The following ALPL variants were observed in gnomAD, a reference collection of about 807,000 sequenced individuals.
The protein encoded by ALPL is alkaline phosphatase, tissue-nonspecific isozyme.
ALPL carries 42 observed loss-of-function variants against 51.3 expected under a neutral mutation model. The ratio of observed to expected loss-of-function variants is 0.82; its 90% CI spans 0.64 to 1.06. ALPL has a LOEUF of 1.06. Ranked by LOEUF, ALPL falls within the 50% of genes least tolerant of loss-of-function variation. The probability of loss-of-function intolerance (pLI) is 0.00; values close to 1 mark genes in which losing one functional copy is unlikely to be tolerated. For synonymous variants in ALPL, 279 were observed against 296.4 expected (o/e 0.94, Z 0.60); for missense variants, 589 against 709.4 (o/e 0.83, Z 1.93).
intron 4 of ALPL, 45 bp from the exon 5 acceptor site, chr1:21,563,065 G>C: frequency 6.2e-7 from 1 of 1,611,070 alleles, no homozygotes; most frequent in Non-Finnish European, 8.5e-7. Context: ...GGTGCCACTG[G>C]GGCGAAGGCC....
chr1:21,575,872 T>C lies in ALPL; in HGVS notation c.1137T>C (p.His379=), dbSNP rs1002385454. 2 of 1,614,214 alleles carry C rather than the reference T, an allele frequency of 1.2e-6. No individual in the cohort carries two copies. Among genetic ancestry groups the C allele is most frequent in the Non-Finnish European group, 8.5e-7 (1 of 1,180,044 alleles). The stretch of plus-strand genomic sequence containing the variant: ...CTCTGACCGTGGTCACTGCGGACCA[T>C]TCCCACGTCTTCACATTTGGTGGAT... ...EDTLTVVTAD[H]SHVFTFGGYT... is the part of the protein sequence containing the mutation. Residue 379 remains histidine (H), a synonymous_variant, in exon 10 of 12, where the codon CAT becomes CAC. Coordinates refer to ENST00000374840, the MANE Select transcript of ALPL (RefSeq NM_000478.6).
At chr1:21,553,027 T>G (rs1394069651) in intron 1 of ALPL, among the ~76,000 whole-genome samples, 1 of 151,800 alleles carries the variant, frequency 6.6e-6, no homozygotes, top group Non-Finnish European at 1.5e-5. Context: ...AACATTCTTA[T>G]GCCATTAATA....
At chr1:21,573,310 G>A (rs1356841372) in intron 8 of ALPL, among the ~76,000 whole-genome samples, 1 of 151,950 alleles carries the variant, frequency 6.6e-6, no homozygotes, top group Non-Finnish European at 1.5e-5. Context: ...GGTGATGCAT[G>A]TCTGTAATCC....
intron 1 of ALPL, among the ~76,000 whole-genome samples, chr1:21,536,127 A>AC (rs1240431015): frequency 6.6e-6 from 1 of 152,244 alleles, no homozygotes; most frequent in African/African-American, 2.4e-5. Context: ...TCAATGGACA[A>AC]CAACCTGTCA....
At chr1:21,550,208 C>G (rs1400457523) in intron 1 of ALPL, among the ~76,000 whole-genome samples, 1 of 152,128 alleles carries the variant, frequency 6.6e-6, no homozygotes, top group East Asian at 1.9e-4. Flanking sequence ...TAAATCTATC[C>G]ATGTGTCAAA....
chr1:21,547,593 C>A (rs775979601), intron 1 of ALPL, among the ~76,000 whole-genome samples: 1 of 152,230 alleles, frequency 6.6e-6, no homozygotes, highest in South Asian at 2.1e-4. Flanking sequence ...CGTTCAGCTT[C>A]CATTTGTTCT....
chr1:21,520,212 C>T (rs1465180494), intron 1 of ALPL, among the ~76,000 whole-genome samples: 2 of 152,152 alleles, frequency 1.3e-5, no homozygotes, highest in African/African-American at 4.8e-5. Flanking sequence ...GCGGCCTTGA[C>T]TTCCTGGGCT....
At chr1:21,522,963 A>T (rs1026327831) in intron 1 of ALPL, among the ~76,000 whole-genome samples, 4 of 152,126 alleles carry the variant, frequency 2.6e-5, no homozygotes, top group Admixed American at 2.6e-4. Flanking sequence ...CATTGTCCCC[A>T]CTCACGGATG....
intron 1 of ALPL, among the ~76,000 whole-genome samples, chr1:21,511,023 G>T (rs1643676294): frequency 6.6e-6 from 1 of 152,180 alleles, no homozygotes; most frequent in African/African-American, 2.4e-5. Flanking sequence ...CGGGACTATT[G>T]TGAGGAATAA....
intron 1 of ALPL, among the ~76,000 whole-genome samples, chr1:21,523,074 T>A (rs1375545041): frequency 1.3e-5 from 2 of 151,944 alleles, no homozygotes; most frequent in African/African-American, 4.8e-5. Context: ...TCACCTGAGG[T>A]CAGGAGTTTG....
At chr1:21,522,355 T>G (rs1643892097) in intron 1 of ALPL, among the ~76,000 whole-genome samples, 1 of 152,186 alleles carries the variant, frequency 6.6e-6, no homozygotes, top group Non-Finnish European at 1.5e-5. Context: ...ATTACAGGCG[T>G]GAGCCACTGC....
intron 1 of ALPL, among the ~76,000 whole-genome samples, chr1:21,529,592 C>T (rs929436176): frequency 3.3e-5 from 5 of 152,186 alleles, no homozygotes; most frequent in African/African-American, 4.8e-5. Flanking sequence ...TCTCCTCCAT[C>T]GTTCAGCAGC....
Position 21,564,227 on chromosome 1 carries a change from G to C in ALPL, c.648+11G>C. The C allele has an allele frequency of 6.2e-7, 1 of 1,612,898 alleles. No homozygotes were observed. The highest frequency in any genetic ancestry group is 8.5e-7 in the Non-Finnish European group (1 of 1,179,816). On this transcript the variant is annotated intron_variant, in intron 6 of 11. Transcript: ENST00000374840. The surrounding 1 kb of genome is among the most constrained non-coding windows in gnomAD (Gnocchi z 5.8). ...ATCAGGGACATTGACGTGAGTGCTC[G>C]GGGGCAGCCGGGCAGGGACGGGGTG...
At chr1:21,545,099 C>T (rs1031811931) in intron 1 of ALPL, among the ~76,000 whole-genome samples, 25 of 152,028 alleles carry the variant, frequency 1.6e-4, no homozygotes, top group Non-Finnish European at 3.2e-4. Context: ...TGGTCAATGT[C>T]TCAAAATTTA....
intron 1 of ALPL, among the ~76,000 whole-genome samples, chr1:21,515,839 TTTTG>T (rs919184277): frequency 1.7e-4 from 25 of 149,006 alleles, no homozygotes; most frequent in African/African-American, 4.7e-4. Flanking sequence ...CTTGTTGTTT[TTTTG>T]TTTGTTTGTC....
rs553602694 is a variant in ALPL, at chr1:21,557,318, G to A, written c.61+3176G>A. On this transcript the variant is annotated intron_variant, in intron 2 of 11. Coordinates refer to ENST00000374840, the MANE Select transcript of ALPL (RefSeq NM_000478.6). Reference sequence around the variant, plus strand: ...GGCAAGGAGTGGATGCTCAGTGAATGTTGGTCTCTTCTCTTAGGACGGCTG... The same window carrying A: ...GGCAAGGAGTGGATGCTCAGTGAATATTGGTCTCTTCTCTTAGGACGGCTG... Among the ~76,000 whole-genome samples, 3 of 152,310 alleles carry A rather than the reference G, an allele frequency of 2.0e-5. No homozygotes were observed. The South Asian group carries it at 6.2e-4, about 32-fold the overall frequency.
chr1:21,564,327 C>T lies in ALPL; in HGVS notation c.648+111C>T. On this transcript the variant is annotated intron_variant, in intron 6 of 11. Transcript: ENST00000374840. This position sits in a 1 kb window ranked among gnomAD's most constrained non-coding sequence, Gnocchi z 5.8. ...GAAAGCAGCCTGGCCTGGCTCCCCA[C>T]ACACCTGGGAGGCTCCCAGCCCATT... 1 of 1,388,726 alleles carries T rather than the reference C, an allele frequency of 7.2e-7. No homozygotes were observed. Among genetic ancestry groups the T allele is most frequent in the Non-Finnish European group, 9.9e-7 (1 of 1,009,412 alleles). 86.0% of individuals were successfully genotyped at this position (1,388,726 alleles called of 1,614,324 possible).
At chr1:21,529,861 T>A (rs1249350422) in intron 1 of ALPL, among the ~76,000 whole-genome samples, 1 of 152,156 alleles carries the variant, frequency 6.6e-6, no homozygotes, top group Admixed American at 6.6e-5. Flanking sequence ...AGCCTCGACC[T>A]CCCGAGCTCA....
chr1:21,518,513 G>A (rs575499872), intron 1 of ALPL, among the ~76,000 whole-genome samples: 4 of 152,004 alleles, frequency 2.6e-5, no homozygotes, highest in East Asian at 3.9e-4. Context: ...TTATTACTAC[G>A]ATGGATATTA....
Sources: gnomAD v4.1 joint callset for allele counts (sites outside exome capture counted in the v4.1 genomes callset) on GRCh38, gnomAD v4.1.1 for gene constraint, Gnocchi (gnomAD v3.1) non-coding constraint, MANE v1.5 for transcripts, NCBI Gene and HGNC (gene_info 2026-07-23, HGNC 2026-07-21) for gene names.